KIRREL3: variants seen among roughly 807,000 people sequenced by gnomAD.
KIRREL3 encodes kirre like nephrin family adhesion molecule 3, also known as kin of IRRE-like protein 3.
Under a neutral mutation model 89.7 loss-of-function variants are expected in KIRREL3, and 36 were observed. The ratio of observed to expected loss-of-function variants is 0.40; its 90% CI spans 0.31 to 0.53. The LOEUF is 0.53. KIRREL3 is among the 20% of genes least tolerant of loss of function. The pLI, the probability that KIRREL3 is intolerant of heterozygous loss-of-function variation, is 0.49. For synonymous variants in KIRREL3, 445 were observed against 441.4 expected (o/e 1.01, Z -0.10); for missense variants, 864 against 1,056.6 (o/e 0.82, Z 2.53).
At chr11:126,922,351 A>C (rs932735771) in intron 1 of KIRREL3, among the ~76,000 whole-genome samples, 1 of 151,848 alleles carries the variant, frequency 6.6e-6, no homozygotes, top group Non-Finnish European at 1.5e-5. Flanking sequence ...CACTTTATAA[A>C]CTTTACTACT....
At position 126,811,578 on chromosome 11, in the gene KIRREL3, ACTT is replaced by A. The variant is rs1009048902; in HGVS notation, c.55+188874_55+188876del. 6.6e-6 allele frequency among the ~76,000 whole-genome samples: 1 copy of A among 152,090 alleles called. No individual in the cohort carries two copies. The highest frequency in any genetic ancestry group is 2.4e-5 in the African/African-American group (1 of 41,418). On this transcript the variant is annotated intron_variant, in intron 1 of 16. Coordinates refer to ENST00000525144, the MANE Select transcript of KIRREL3 (RefSeq NM_032531.4). This position sits in a 1 kb window ranked among gnomAD's most constrained non-coding sequence, Gnocchi z 4.3. Reference sequence around the variant, plus strand: ...TCACAGCATGCAACGTTAGCAATGAACTTCTTTTTTTTCTTTTTCTTTTTTGAG... The same window carrying A: ...TCACAGCATGCAACGTTAGCAATGAACTTTTTTTTCTTTTTCTTTTTTGAG...
At chr11:126,889,345 T>A (rs574708209) in intron 1 of KIRREL3, among the ~76,000 whole-genome samples, 40 of 152,350 alleles carry the variant, frequency 2.6e-4, no homozygotes, top group African/African-American at 8.7e-4. Flanking sequence ...TTGGCTGGCT[T>A]CTTTCACTTG....
chr11:126,743,486 T>G (rs1730003646), intron 1 of KIRREL3, among the ~76,000 whole-genome samples: 1 of 152,234 alleles, frequency 6.6e-6, no homozygotes, highest in Non-Finnish European at 1.5e-5. Context: ...GGCTCTGTGT[T>G]AGGTACTGGG....
At position 126,557,334 on chromosome 11, in the gene KIRREL3, C is replaced by CT. The variant is rs1201982899; in HGVS notation, c.133+5500dup. Among the ~76,000 whole-genome samples, 2 of 152,176 alleles carry CT rather than the reference C, an allele frequency of 1.3e-5. No homozygotes were observed. Among genetic ancestry groups the CT allele is most frequent in the Non-Finnish European group, 2.9e-5 (2 of 68,038 alleles). On this transcript the variant is annotated intron_variant, in intron 2 of 16. Coordinates refer to ENST00000525144, the MANE Select transcript of KIRREL3 (RefSeq NM_032531.4). This position sits in a 1 kb window ranked among gnomAD's most constrained non-coding sequence, Gnocchi z 5.6. ...CTGCCAAGGAAAGCCAGTCTATTGA[C>CT]TTTTTTGTACTGGTTCCTTTGGTGA...
intron 1 of KIRREL3, among the ~76,000 whole-genome samples, chr11:126,886,840 T>G (rs1207297597): frequency 6.6e-6 from 1 of 152,196 alleles, no homozygotes; most frequent in African/African-American, 2.4e-5. Context: ...TTTTATGAGC[T>G]GAGAATAATG....
In KIRREL3 at chr11:126,650,277, A is replaced by T. The variant is rs1944861121; in HGVS notation, c.56-87365T>A. Among the ~76,000 whole-genome samples the T allele has an allele frequency of 4.0e-5, 6 of 150,080 alleles. No individual in the cohort carries two copies. In the South Asian group the frequency reaches 1.1e-3, roughly 26 times the overall value. Reference sequence around the variant, plus strand: ...CCATCATCGTGGGGATTAACATTCGACTCCTCATTACTTATGCAAATTTCT... The same window carrying T: ...CCATCATCGTGGGGATTAACATTCGTCTCCTCATTACTTATGCAAATTTCT... On this transcript the variant is annotated intron_variant, in intron 1 of 16. Coordinates refer to ENST00000525144, the MANE Select transcript of KIRREL3 (RefSeq NM_032531.4).
chr11:126,444,635 A>G (rs986630249), intron 10 of KIRREL3, among the ~76,000 whole-genome samples: 1 of 152,220 alleles, frequency 6.6e-6, no homozygotes, highest in African/African-American at 2.4e-5. Context: ...GGCCAAGGCC[A>G]TGGTGAGTGG....
At position 126,431,502 on chromosome 11, in the gene KIRREL3, A is replaced by G. The variant is rs759629758; in HGVS notation, c.1613T>C (p.Ile538Thr). 3.7e-6 allele frequency: 6 copies of G among 1,613,926 alleles called. No individual in the cohort carries two copies. The highest frequency in any genetic ancestry group is 5.1e-6 in the Non-Finnish European group (6 of 1,179,858). Residue 538 changes from isoleucine (I) to threonine (T), a missense_variant, in exon 14 of 17, where the codon ATT (isoleucine) becomes ACT (threonine). Coordinates refer to ENST00000525144, the MANE Select transcript of KIRREL3 (RefSeq NM_032531.4). This position sits in a 1 kb window ranked among gnomAD's most constrained non-coding sequence, Gnocchi z 7.1. Reference sequence around the variant, plus strand: ...CACACCAGCTCCTACGGCCACCCCAATGATGACGGCCATCGGCACAGACTC... The same window carrying G: ...CACACCAGCTCCTACGGCCACCCCAGTGATGACGGCCATCGGCACAGACTC... ...EAESVPMAVI[I>T]GVAVGAGVAF...
chr11:126,733,481 T>A lies in KIRREL3; in HGVS notation c.56-170569A>T, dbSNP rs117371130. ...ATCTTAGGAAGGATCTGGATTGTTTTCCTTCTTTCTCTGAGCTGTCACTTG... is the reference window on the plus strand; with the variant it reads ...ATCTTAGGAAGGATCTGGATTGTTTACCTTCTTTCTCTGAGCTGTCACTTG... On this transcript the variant is annotated intron_variant, in intron 1 of 16. Transcript: ENST00000525144. Among the ~76,000 whole-genome samples the A allele has an allele frequency of 5.7e-3, 865 of 152,314 alleles. 2 individuals are homozygous for A. Among genetic ancestry groups the A allele is most frequent in the Non-Finnish European group, 9.8e-3 (669 of 68,022 alleles).
chr11:126,749,141 T>C (rs1411682571), intron 1 of KIRREL3, among the ~76,000 whole-genome samples: 4 of 152,182 alleles, frequency 2.6e-5, no homozygotes, highest in African/African-American at 9.7e-5. Context: ...CCGCTCCAAG[T>C]TGACGGCTAT....
rs915443141 is a variant in KIRREL3, at chr11:126,976,048, T to G, written c.55+24407A>C. ...AGAGCATACCCATTCCAGATGTGGG[T>G]CACATCAGCAGAGGGTGCCATGGGG... is the stretch of plus-strand genomic sequence containing the variant. On this transcript the variant is annotated intron_variant, in intron 1 of 16. Coordinates refer to ENST00000525144, the MANE Select transcript of KIRREL3 (RefSeq NM_032531.4). This position sits in a 1 kb window ranked among gnomAD's most constrained non-coding sequence, Gnocchi z 4.2. Among the ~76,000 whole-genome samples, 1 of 151,294 alleles carries G rather than the reference T, an allele frequency of 6.6e-6. No individual in the cohort carries two copies. The highest frequency in any genetic ancestry group is 2.4e-5 in the African/African-American group (1 of 41,084).
chr11:126,472,945 A>C (rs1376402383), intron 5 of KIRREL3, among the ~76,000 whole-genome samples: 2 of 67,826 alleles, frequency 2.9e-5, no homozygotes, highest in Non-Finnish European at 6.0e-5. Context: ...CCTCTACCTA[A>C]GCCCAGCCCC....
chr11:126,620,851 G>A lies in KIRREL3; in HGVS notation c.56-57939C>T, dbSNP rs968172852. On this transcript the variant is annotated intron_variant, in intron 1 of 16. Transcript: ENST00000525144. This position sits in a 1 kb window ranked among gnomAD's most constrained non-coding sequence, Gnocchi z 4.8. The stretch of plus-strand genomic sequence containing the variant: ...GGAGCAGCAACTAGTGAGGAAGGCC[G>A]TACCCCACTTGCTGGATGAGAACAT... Among the ~76,000 whole-genome samples the A allele has an allele frequency of 9.9e-5, 15 of 152,168 alleles. No homozygotes were observed. Among genetic ancestry groups the A allele is most frequent in the African/African-American group, 3.1e-4 (13 of 41,440 alleles).
rs145737200 is a variant in KIRREL3, at chr11:126,540,039, A to T, written c.134-13352T>A. On this transcript the variant is annotated intron_variant, in intron 2 of 16. Coordinates refer to ENST00000525144, the MANE Select transcript of KIRREL3 (RefSeq NM_032531.4). ...AACCATATCGGGATGGCAAGAGATCATCTAACCTAATCTTCTCCCTTTAGA... is the reference window on the plus strand; with the variant it reads ...AACCATATCGGGATGGCAAGAGATCTTCTAACCTAATCTTCTCCCTTTAGA... Among the ~76,000 whole-genome samples, 255 of 152,342 alleles carry T rather than the reference A, an allele frequency of 1.7e-3. 1 individual carries two copies. Among genetic ancestry groups the T allele is most frequent in the African/African-American group, 5.7e-3 (238 of 41,570 alleles).
At position 126,956,130 on chromosome 11, in the gene KIRREL3, A is replaced by G. The variant is rs537500033; in HGVS notation, c.55+44325T>C. 5.3e-5 allele frequency among the ~76,000 whole-genome samples: 8 copies of G among 152,210 alleles called. No homozygotes were observed. In the South Asian group the frequency reaches 1.5e-3, roughly 28 times the overall value. On this transcript the variant is annotated intron_variant, in intron 1 of 16. Transcript: ENST00000525144. ...CTAGACTCTGCCGCCTCTCTACTTC[A>G]GTCACTCATCTCTCTTGTTCATTCA... is the stretch of plus-strand genomic sequence containing the variant.
At chr11:126,869,696 T>C (rs1339655130) in intron 1 of KIRREL3, among the ~76,000 whole-genome samples, 2 of 152,118 alleles carry the variant, frequency 1.3e-5, no homozygotes, top group Non-Finnish European at 2.9e-5. Flanking sequence ...TACACACCCC[T>C]GACCTCACCC....
In KIRREL3 at chr11:126,521,221, A is replaced by G; in HGVS notation, c.433+94T>C. 1.5e-6 allele frequency: 2 copies of G among 1,304,336 alleles called. No homozygotes were observed. Among genetic ancestry groups the G allele is most frequent in the Non-Finnish European group, 1.0e-6 (1 of 989,742 alleles). 80.8% of individuals were successfully genotyped at this position (1,304,336 alleles called of 1,614,324 possible). On this transcript the variant is annotated intron_variant, in intron 4 of 16. Transcript: ENST00000525144. This position sits in a 1 kb window ranked among gnomAD's most constrained non-coding sequence, Gnocchi z 4.1. ...CCCTGTGGGATGATCCCCAGAGGGG[A>G]GTCTCCCCATGTCTGACCAAAAAAA...
intron 1 of KIRREL3, among the ~76,000 whole-genome samples, chr11:126,972,204 G>GAGAGAGAGAGAGAGAGAGAGAGAGA: frequency 4.8e-4 from 70 of 146,566 alleles, no homozygotes; most frequent in South Asian, 1.3e-3. Flanking sequence ...GAGAGAGAGA[G>GAGAGAGAGAGAGAGAGAGAGAGAGA]GACTGTGCAT....
chr11:126,932,893 C>A (rs1948014247), intron 1 of KIRREL3, among the ~76,000 whole-genome samples: 1 of 152,206 alleles, frequency 6.6e-6, no homozygotes, highest in African/African-American at 2.4e-5. Flanking sequence ...TAACAGCTCA[C>A]ATAGCCATAA....
Sources: allele counts gnomAD v4.1 joint callset (sites outside exome capture counted in the v4.1 genomes callset), GRCh38; gene constraint gnomAD v4.1.1; non-coding constraint Gnocchi (gnomAD v3.1); transcripts MANE v1.5; gene names NCBI Gene and HGNC (gene_info 2026-07-23, HGNC 2026-07-21).